The following TACSTD2 variants were observed in gnomAD, a reference collection of about 807,000 sequenced individuals.
TACSTD2 encodes the protein tumor-associated calcium signal transducer 2.
TACSTD2 carries 6 observed loss-of-function variants against 7.9 expected under a neutral mutation model. The ratio of observed to expected loss-of-function variants is 0.76; its 90% confidence interval spans 0.42 to 1.50. The LOEUF is 1.50. Ranked by LOEUF, TACSTD2 falls within the 40% of genes most tolerant of loss-of-function variation. The pLI is 0.01. For synonymous variants in TACSTD2, 220 were observed against 225.5 expected (o/e 0.98, Z 0.22); for missense variants, 511 against 471.2 (o/e 1.08, Z -0.78).
In TACSTD2 at chr1:58,576,043, G is replaced by A. The variant is rs1646877780; in HGVS notation, c.*142C>T. 2.0e-6 allele frequency: 2 copies of A among 1,016,824 alleles called. No individual in the cohort carries two copies. The highest frequency in any genetic ancestry group is 1.7e-5 in the South Asian group (1 of 59,464). The allele number at this position is 1,016,824 out of a possible 1,614,324, so 63.0% of individuals were successfully genotyped here. ...GGCCAGGATCTATTAAACCTGGTGTGTGCGCAAAAGGGAGGGGGAAGGCAG... is the reference window on the plus strand; with the variant it reads ...GGCCAGGATCTATTAAACCTGGTGTATGCGCAAAAGGGAGGGGGAAGGCAG... On this transcript the variant is annotated 3_prime_UTR_variant, in exon 1 of 1. Transcript: ENST00000371225.
chr1:58,576,974 G>C lies in TACSTD2; in HGVS notation c.183C>G (p.Gly61=). 6.3e-7 allele frequency: 1 copy of C among 1,578,580 alleles called. No individual in the cohort carries two copies. Among genetic ancestry groups the C allele is most frequent in the Non-Finnish European group, 8.6e-7 (1 of 1,166,042 alleles). ...GRCQCRALGS[G]MAVDCSTLTS... ...TCAGCGTGGAGCAGTCGACCGCCAT[G>C]CCCGAGCCCAGCGCGCGGCACTGGC... is the stretch of plus-strand genomic sequence containing the variant. The change falls in exon 1 of 1, where the codon GGC becomes GGG. Residue 61 remains glycine (G), a synonymous_variant. Transcript: ENST00000371225.
chr1:58,576,499 C>A lies in TACSTD2; in HGVS notation c.658G>T (p.Gly220Cys). The change falls in exon 1 of 1, where the codon GGC becomes TGC. Residue 220 changes from glycine (G) to cysteine (C), a missense_variant. Physicochemically the swap from Gly to Cys is radical, Grantham distance 159 (BLOSUM62 -3). Coordinates refer to ENST00000371225, the MANE Select transcript of TACSTD2 (RefSeq NM_002353.3). ...SQKAAGDVDI[G>C]DAAYYFERDI... ...CTCTCGAAGTAGTAGGCGGCATCGCCGATATCCACGTCACCGGCGGCCTTC... is the reference window on the plus strand; with the variant it reads ...CTCTCGAAGTAGTAGGCGGCATCGCAGATATCCACGTCACCGGCGGCCTTC... 2 of 1,613,200 alleles carry A rather than the reference C, an allele frequency of 1.2e-6. No homozygotes were observed. Among genetic ancestry groups the A allele is most frequent in the Non-Finnish European group, 1.7e-6 (2 of 1,179,740 alleles).
At position 58,576,882 on chromosome 1, in the gene TACSTD2, G is replaced by T; in HGVS notation, c.275C>A (p.Pro92Gln). The T allele has an allele frequency of 2.5e-6, 4 of 1,590,948 alleles. No individual in the cohort carries two copies. The highest frequency in any genetic ancestry group is 3.4e-6 in the Non-Finnish European group (4 of 1,175,428). Residue 92 changes from proline (P) to glutamine (Q), a missense_variant, in exon 1 of 1, where the codon CCG becomes CAG. By Grantham distance (76) the Pro-to-Gln change is moderately conservative. Coordinates refer to ENST00000371225, the MANE Select transcript of TACSTD2 (RefSeq NM_002353.3). ...GTTGTCCACGAGCGCGTGCTCACTC[G>T]GCCGCACCAGCGTGCGGGCGTTCTT... Reference protein sequence around the residue: ...APKNARTLVRPSEHALVDNDG... With the variant: ...APKNARTLVRQSEHALVDNDG...
At position 58,576,351 on chromosome 1, in the gene TACSTD2, G is replaced by A. The variant is rs143038908; in HGVS notation, c.806C>T (p.Ser269Phe). Residue 269 changes from serine (S) to phenylalanine (F), a missense_variant, in exon 1 of 1, where the codon TCC becomes TTC. Transcript: ENST00000371225. ...YYLDEIPPKF[S>F]MKRLTAGLIA... is the part of the protein sequence containing the mutation. ...GAGGCCGGCGGTGAGGCGCTTCATG[G>A]AGAACTTCGGGGGAATCTCGTCCAG... The A allele has an allele frequency of 2.2e-5, 36 of 1,612,796 alleles. No individual in the cohort carries two copies. The African/African-American group carries it at 4.7e-4, about 21-fold the overall frequency.
In TACSTD2 at chr1:58,577,233, G is replaced by T; in HGVS notation, c.-77C>A. The T allele has an allele frequency of 1.5e-6, 2 of 1,313,996 alleles. No individual in the cohort carries two copies. The allele number at this position is 1,313,996 out of a possible 1,614,324, so 81.4% of individuals were successfully genotyped here. A position where few individuals can be genotyped will look rare whatever the true frequency, so the allele number is the denominator to read the frequency against. ...CGTCGGGGCTCGGGCTCCGGCGTCT[G>T]GGATGGTCTGCAGGCGTCTGCCGCC... On this transcript the variant is annotated 5_prime_UTR_variant, in exon 1 of 1. Coordinates refer to ENST00000371225, the MANE Select transcript of TACSTD2 (RefSeq NM_002353.3).
In TACSTD2 at chr1:58,577,112, C is replaced by G; in HGVS notation, c.45G>C (p.Pro15=). ...CCGCCGCCAGCACCAGCAGCAGCAG[C>G]GGCAGCCGCAGCGGTGGCGGCGCGA... ...PGLAPPPLRL[P]LLLLVLAAVT... The change falls in exon 1 of 1, where the codon CCG becomes CCC. Residue 15 remains proline, a synonymous_variant. Transcript: ENST00000371225. 1 of 1,433,804 alleles carries G rather than the reference C, an allele frequency of 7.0e-7. No individual in the cohort carries two copies. Among genetic ancestry groups the G allele is most frequent in the Non-Finnish European group, 9.1e-7 (1 of 1,103,808 alleles). The allele number at this position is 1,433,804 out of a possible 1,614,324, so 88.8% of individuals were successfully genotyped here.
chr1:58,576,569 G>T lies in TACSTD2; in HGVS notation c.588C>A (p.Tyr196Ter). ...LHPKFVAAVH[Y>*]EQPTIQIELR... Reference sequence around the variant, plus strand: ...GCTCGATCTGGATGGTGGGCTGCTCGTAGTGCACGGCCGCCACGAACTTGG... The same window carrying T: ...GCTCGATCTGGATGGTGGGCTGCTCTTAGTGCACGGCCGCCACGAACTTGG... The change falls in exon 1 of 1, where the codon TAC becomes TAA. Residue 196 changes from tyrosine (Y) to a stop codon, truncating the protein, a stop_gained. Coordinates refer to ENST00000371225, the MANE Select transcript of TACSTD2 (RefSeq NM_002353.3). LOFTEE classifies it low-confidence loss of function (END_TRUNC). The T allele has an allele frequency of 1.2e-6, 2 of 1,611,776 alleles. No homozygotes were observed. Among genetic ancestry groups the T allele is most frequent in the African/African-American group, 1.3e-5 (1 of 75,042 alleles).
Position 58,576,578 on chromosome 1 carries a change from G to A in TACSTD2, c.579C>T (p.Ala193=), listed in dbSNP as rs748914702. Residue 193 remains alanine (A), a synonymous_variant, in exon 1 of 1, where the codon GCC becomes GCT. Coordinates refer to ENST00000371225, the MANE Select transcript of TACSTD2 (RefSeq NM_002353.3). The part of the protein sequence containing the change: ...RYRLHPKFVA[A]VHYEQPTIQI... The stretch of plus-strand genomic sequence containing the variant: ...GGATGGTGGGCTGCTCGTAGTGCAC[G>A]GCCGCCACGAACTTGGGGTGCAGCC... 31 of 1,611,650 alleles carry A rather than the reference G, an allele frequency of 1.9e-5. No homozygotes were observed. The highest frequency in any genetic ancestry group is 2.6e-5 in the Non-Finnish European group (31 of 1,179,484).
rs1459491241 is a variant in TACSTD2, at chr1:58,576,959, G to A, written c.198C>T (p.Cys66=). 1.9e-6 allele frequency: 3 copies of A among 1,581,768 alleles called. No individual in the cohort carries two copies. Among genetic ancestry groups the A allele is most frequent in the South Asian group, 2.3e-5 (2 of 88,602 alleles). Residue 66 remains cysteine (C), a synonymous_variant, in exon 1 of 1, where the codon TGC becomes TGT. Transcript: ENST00000371225. ...GCAGACACTTGGAGGTCAGCGTGGA[G>A]CAGTCGACCGCCATGCCCGAGCCCA... ...RALGSGMAVD[C]STLTSKCLLL...
rs1358248726 is a variant in TACSTD2 at position 58,576,462 on chromosome 1, C to A, written c.695G>T (p.Gly232Val). ...GCCGCGGCCCTGGAATAGAGACTCG[C>A]CCTTGATGTCCCTCTCGAAGTAGTA... is the stretch of plus-strand genomic sequence containing the variant. ...AAYYFERDIK[G>V]ESLFQGRGGL... Residue 232 changes from glycine (G) to valine (V), a missense_variant, in exon 1 of 1, where the codon GGC (glycine) becomes GTC (valine). Coordinates refer to ENST00000371225, the MANE Select transcript of TACSTD2 (RefSeq NM_002353.3). 6.2e-7 allele frequency: 1 copy of A among 1,613,762 alleles called. No individual in the cohort carries two copies. The highest frequency in any genetic ancestry group is 1.3e-5 in the African/African-American group (1 of 74,942).
chr1:58,577,099 CCAGCAG>C lies in TACSTD2; in HGVS notation c.52_57del (p.Leu18_Leu19del), dbSNP rs771307350. On this transcript the variant is annotated inframe_deletion, in exon 1 of 1. Transcript: ENST00000371225. The stretch of plus-strand genomic sequence containing the variant: ...GTGTGGCCGGTCACCGCCGCCAGCA[CCAGCAG>C]CAGCAGCGGCAGCCGCAGCGGTGGC... The C allele has an allele frequency of 6.9e-7, 1 of 1,453,890 alleles. No individual in the cohort carries two copies. Among genetic ancestry groups the C allele is most frequent in the Non-Finnish European group, 9.0e-7 (1 of 1,112,646 alleles). The allele number at this position is 1,453,890 out of a possible 1,614,324, so 90.1% of individuals were successfully genotyped here.
rs558766293 is a variant in TACSTD2 at position 58,577,099 on chromosome 1, C to T, written c.58G>A (p.Val20Met). The T allele has an allele frequency of 1.8e-5, 26 of 1,453,892 alleles. No homozygotes were observed. In the South Asian group the frequency reaches 2.4e-4, roughly 13 times the overall value. 90.1% of individuals were successfully genotyped at this position (1,453,892 alleles called of 1,614,324 possible). The change falls in exon 1 of 1, where the codon GTG (valine) becomes ATG (methionine). Residue 20 changes from valine (V) to methionine (M), a missense_variant. Val to Met is a conservative substitution (Grantham distance 21). Transcript: ENST00000371225. ...PPLRLPLLLLVLAAVTGHTAA... is the reference protein window; with the variant it reads ...PPLRLPLLLLMLAAVTGHTAA... ...GTGTGGCCGGTCACCGCCGCCAGCACCAGCAGCAGCAGCGGCAGCCGCAGC... is the reference window on the plus strand; with the variant it reads ...GTGTGGCCGGTCACCGCCGCCAGCATCAGCAGCAGCAGCGGCAGCCGCAGC...
Sources: allele counts gnomAD v4.1 joint callset, GRCh38; gene constraint gnomAD v4.1.1; transcripts MANE v1.5; gene names NCBI Gene and HGNC (gene_info 2026-07-23, HGNC 2026-07-21).